SLC6A4: variants seen among roughly 807,000 people sequenced by gnomAD.
SLC6A4 encodes the protein solute carrier family 6 member 4, also known as sodium-dependent serotonin transporter.
In SLC6A4, 22 loss-of-function variants were observed where a neutral mutation model predicts 73.4. The observed-to-expected ratio is 0.30, with a 90% CI of 0.21 to 0.43. The LOEUF (loss-of-function observed/expected upper bound fraction) is 0.43. SLC6A4 is among the 20% of genes least tolerant of loss of function. SLC6A4 has a pLI of 1.00. For missense variants in SLC6A4, 593 were observed against 808.5 expected, an observed-to-expected ratio of 0.73 and a Z score of 3.23; for synonymous variants, 270 against 315.5, an observed-to-expected ratio of 0.86 and a Z score of 1.53.
At chr17:30,209,103 G>A (rs201844368) in intron 12 of SLC6A4, 40 bp downstream of exon 12, 136 of 1,391,390 alleles carry the variant, frequency 9.8e-5, no homozygotes, top group Non-Finnish European at 1.3e-4. Context: ...GCTGGCTGAT[G>A]GTGTAGAAGG....
chr17:30,198,378 G>GGC lies in SLC6A4; in HGVS notation c.*77_*78insGC. 1.3e-6 allele frequency: 1 copy of GGC among 789,924 alleles called. No homozygotes were observed. The highest frequency in any genetic ancestry group is 2.2e-6 in the Non-Finnish European group (1 of 461,368). The allele number at this position is 789,924 out of a possible 1,614,324, so 48.9% of individuals were successfully genotyped here. A position where few individuals can be genotyped will look rare whatever the true frequency, so the allele number is the denominator to read the frequency against. ...GCTTAGCTGGAAACTCATTCACTTGGAGGGGAGAAGGCAGGCGTGCCTCAT... is the reference window on the plus strand; with the variant it reads ...GCTTAGCTGGAAACTCATTCACTTGGGCAGGGGAGAAGGCAGGCGTGCCTCAT... On this transcript the variant is annotated 3_prime_UTR_variant, in exon 15 of 15. Transcript: ENST00000650711.
At chr17:30,203,442 T>G in intron 13 of SLC6A4, 103 bp from the exon 14 acceptor site, 3 of 993,612 alleles carry the variant, frequency 3.0e-6, no homozygotes, top group Non-Finnish European at 4.5e-6. Context: ...TAAGATACTT[T>G]CAGGAAATTC....
chr17:30,222,329 A>C (rs1447401821), intron 2 of SLC6A4, among the ~76,000 whole-genome samples: 3 of 152,226 alleles, frequency 2.0e-5, no homozygotes, highest in Non-Finnish European at 4.4e-5. Context: ...ATAGACAGCA[A>C]ATCACCAAGG....
chr17:30,203,072 T>C (rs1442611805), intron 14 of SLC6A4, 100 bp downstream of exon 14: 1 of 991,264 alleles, frequency 1.0e-6, no homozygotes, highest in Non-Finnish European at 1.5e-6. Context: ...GCATGCCTCC[T>C]GGTGAATCTC....
intron 1 of SLC6A4, among the ~76,000 whole-genome samples, chr17:30,224,322 G>A (rs900305282): frequency 9.2e-5 from 14 of 151,990 alleles, no homozygotes; most frequent in Non-Finnish European, 1.0e-4. Context: ...GGGTTCAAGC[G>A]ATTCTTGTGC....
chr17:30,206,254 A>C (rs1906191824), intron 13 of SLC6A4: 3 of 152,070 alleles, frequency 2.0e-5, no homozygotes, highest in Admixed American at 6.6e-5. Context: ...AAAAAAAAAA[A>C]AAAACACAAA....
chr17:30,230,080 AGAAGAAGAAGAAGAAGAGGAG>A (rs1261661065), intron 1 of SLC6A4, among the ~76,000 whole-genome samples: 2 of 123,166 alleles, frequency 1.6e-5, no homozygotes, highest in Admixed American at 7.3e-5. Context: ...AAGAAGAAGA[AGAAGAAGAAGAAGAAGAGGAG>A]GAAGAGGAAG....
chr17:30,218,175 G>A lies in SLC6A4; in HGVS notation c.641C>T (p.Ser214Phe). 3.1e-6 allele frequency: 5 copies of A among 1,614,230 alleles called. No individual in the cohort carries two copies. Among genetic ancestry groups the A allele is most frequent in the Non-Finnish European group, 3.4e-6 (4 of 1,180,050 alleles). ...GAGGGTCCAGGTGATGTTGTCCTCG[G>A]AGAAGTAATTGGTGCAGTTGCCAGT... ...WNTGNCTNYFSEDNITWTLHS... is the reference protein window; with the variant it reads ...WNTGNCTNYFFEDNITWTLHS... Residue 214 changes from serine (S) to phenylalanine (F), a missense_variant, in exon 5 of 15, where the codon TCC (serine) becomes TTC (phenylalanine). Transcript: ENST00000650711.
At chr17:30,201,997 T>C (rs1322713916) in intron 14 of SLC6A4, among the ~76,000 whole-genome samples, 1 of 151,856 alleles carries the variant, frequency 6.6e-6, no homozygotes, top group Non-Finnish European at 1.5e-5. Flanking sequence ...GAGGCTGAGG[T>C]GAAAGGATCA....
At chr17:30,214,512 C>T (rs1301366500) in intron 8 of SLC6A4, among the ~76,000 whole-genome samples, 1 of 150,576 alleles carries the variant, frequency 6.6e-6, no homozygotes, top group African/African-American at 2.4e-5. Flanking sequence ...TTTGTTTATA[C>T]ATAATACAAA....
chr17:30,214,854 C>G (rs1308677317), intron 8 of SLC6A4, among the ~76,000 whole-genome samples: 2 of 151,808 alleles, frequency 1.3e-5, no homozygotes, highest in Non-Finnish European at 2.9e-5. Context: ...AGGATGGTAT[C>G]GATCTCCTGA....
At position 30,208,163 on chromosome 17, in the gene SLC6A4, G is replaced by T. The variant is rs142857279; in HGVS notation, c.1550-331C>A. On this transcript the variant is annotated intron_variant, in intron 12 of 14. Coordinates refer to ENST00000650711, the MANE Select transcript of SLC6A4 (RefSeq NM_001045.6). ...GATGGACATTTGGGAGGATGGATGGGCATCTGGGAAGAGACACACACCCCC... is the reference window on the plus strand; with the variant it reads ...GATGGACATTTGGGAGGATGGATGGTCATCTGGGAAGAGACACACACCCCC... Among the ~76,000 whole-genome samples, 9 of 152,274 alleles carry T rather than the reference G, an allele frequency of 5.9e-5. No homozygotes were observed. The East Asian group carries it at 1.3e-3, about 23-fold the overall frequency.
rs56051504 is a variant in SLC6A4, at chr17:30,201,611, A to G, written c.1818+1561T>C. Among the ~76,000 whole-genome samples, 61 of 152,324 alleles carry G rather than the reference A, an allele frequency of 4.0e-4. No homozygotes were observed. In the East Asian group the frequency reaches 0.01, roughly 26 times the overall value. On this transcript the variant is annotated intron_variant, in intron 14 of 14. Transcript: ENST00000650711. ...ATCATCACAACTGCCAAGACAGATG[A>G]CCGGAAGGAATGCGTTCAATGACTC...
rs76417319 is a variant in SLC6A4 at position 30,210,620 on chromosome 17, C to T, written c.1344G>A (p.Thr448=). ...CGTGTGGGAACTCATCCAGCACAGC[C>T]GTGATCACCCCCTCCAAGCCTGCAA... ...STFAGLEGVI[T]AVLDEFPHVW... Residue 448 remains threonine, a synonymous_variant, in exon 11 of 15, where the codon ACG becomes ACA. Coordinates refer to ENST00000650711, the MANE Select transcript of SLC6A4 (RefSeq NM_001045.6). 123 of 1,613,152 alleles carry T rather than the reference C, an allele frequency of 7.6e-5. No individual in the cohort carries two copies. Among genetic ancestry groups the T allele is most frequent in the Non-Finnish European group, 9.4e-5 (111 of 1,179,648 alleles).
At chr17:30,228,906 A>C (rs1209101217) in intron 1 of SLC6A4, among the ~76,000 whole-genome samples, 1 of 152,216 alleles carries the variant, frequency 6.6e-6, no homozygotes, top group Non-Finnish European at 1.5e-5. Flanking sequence ...AAATACTTGC[A>C]GACTGGAGCA....
In SLC6A4 at chr17:30,221,894, T is replaced by C; in HGVS notation, c.65A>G (p.Gln22Arg). The change falls in exon 3 of 15, where the codon CAG becomes CGG. Residue 22 changes from glutamine (Q) to arginine (R), a missense_variant. Gln to Arg is a conservative substitution (Grantham distance 43). Transcript: ENST00000650711. ...LSACEDGEDC[Q>R]ENGVLQKVVP... The stretch of plus-strand genomic sequence containing the variant: ...AACCTTCTGTAGAACTCCGTTTTCC[T>C]GACAATCTTCTCCATCTTCACACGC... 1 of 1,614,188 alleles carries C rather than the reference T, an allele frequency of 6.2e-7. No homozygotes were observed. The highest frequency in any genetic ancestry group is 8.5e-7 in the Non-Finnish European group (1 of 1,180,040).
At chr17:30,199,995 C>A (rs1905982645) in intron 14 of SLC6A4, among the ~76,000 whole-genome samples, 1 of 151,812 alleles carries the variant, frequency 6.6e-6, no homozygotes. Context: ...AACCCCTGGG[C>A]TCAAGGGATC....
Position 30,197,290 on chromosome 17 carries a change from G to A in SLC6A4, c.*1166C>T, listed in dbSNP as rs201994939. ...AGGGCTCACAATCGTGACCGCCAGC[G>A]AGCGGCGAGGTCCACGTAAGGCTAA... is the stretch of plus-strand genomic sequence containing the variant. On this transcript the variant is annotated 3_prime_UTR_variant, in exon 15 of 15. Transcript: ENST00000650711. 5 of 152,384 alleles carry A rather than the reference G, an allele frequency of 3.3e-5. No individual in the cohort carries two copies. The highest frequency in any genetic ancestry group is 7.3e-5 in the Non-Finnish European group (5 of 68,054). The allele number at this position is 152,384 out of a possible 1,614,324, so 9.4% of individuals were successfully genotyped here.
intron 8 of SLC6A4, among the ~76,000 whole-genome samples, chr17:30,214,303 T>C (rs965119153): frequency 2.0e-5 from 3 of 150,148 alleles, no homozygotes; most frequent in African/African-American, 7.3e-5. Flanking sequence ...ATGCCTGTCA[T>C]CCCAGCTACT....
Sources: allele counts gnomAD v4.1 joint callset (sites outside exome capture counted in the v4.1 genomes callset), GRCh38; gene constraint gnomAD v4.1.1; transcripts MANE v1.5; gene names NCBI Gene and HGNC (gene_info 2026-07-23, HGNC 2026-07-21).